Variants in BRAF observed in about 807,000 individuals in gnomAD.
The protein encoded by BRAF is serine/threonine-protein kinase B-raf.
In BRAF, 16 loss-of-function variants were observed where a neutral mutation model predicts 104.6. The observed-to-expected ratio is 0.15, with a 90% CI of 0.10 to 0.23. BRAF has a LOEUF of 0.23. Among genes scored for constraint, BRAF ranks in the 10% least tolerant of loss-of-function variants. The pLI, the probability that BRAF is intolerant of heterozygous loss-of-function variation, is 1.00. For missense variants in BRAF, 541 were observed against 937.3 expected (o/e 0.58, Z 5.52); for synonymous variants, 310 against 341.6 (o/e 0.91, Z 1.02).
At chr7:140,743,439 T>C (rs996176899) in intron 17 of BRAF, among the ~76,000 whole-genome samples, 18 of 152,092 alleles carry the variant, frequency 1.2e-4, no homozygotes, top group African/African-American at 4.3e-4. Context: ...TGGATGAAAC[T>C]GGAAATCATC....
intron 1 of BRAF, among the ~76,000 whole-genome samples, chr7:140,909,890 C>T (rs6964937): frequency 1.3e-5 from 2 of 151,522 alleles, no homozygotes; most frequent in African/African-American, 4.9e-5. Flanking sequence ...TCTATGCTCA[C>T]ATCATTATGA....
chr7:140,909,527 C>T (rs1198676715), intron 1 of BRAF, among the ~76,000 whole-genome samples: 3 of 152,212 alleles, frequency 2.0e-5, no homozygotes, highest in African/African-American at 7.2e-5. Context: ...GTACTTTGTA[C>T]ATATATACAA....
chr7:140,874,996 A>G (rs918600682), intron 1 of BRAF, among the ~76,000 whole-genome samples: 4 of 152,132 alleles, frequency 2.6e-5, no homozygotes, highest in African/African-American at 9.7e-5. Flanking sequence ...TTTCACCATG[A>G]TTTTAAGTTT....
downstream of BRAF, among the ~76,000 whole-genome samples, chr7:140,718,747 T>C (rs1795193007): frequency 6.6e-6 from 1 of 152,220 alleles, no homozygotes; most frequent in South Asian, 2.1e-4. Context: ...TTGATATATT[T>C]TGTCTGAAGA....
At chr7:140,916,381 C>T (rs891594948) in intron 1 of BRAF, among the ~76,000 whole-genome samples, 4 of 152,120 alleles carry the variant, frequency 2.6e-5, no homozygotes, top group African/African-American at 9.7e-5. Flanking sequence ...TTAATGATGC[C>T]CCTAAGATTC....
At chr7:140,730,107 G>A (rs995892802) in intron 19 of BRAF, among the ~76,000 whole-genome samples, 1 of 151,986 alleles carries the variant, frequency 6.6e-6, no homozygotes, top group Non-Finnish European at 1.5e-5. Flanking sequence ...GGAGTAACAG[G>A]TGATGAATCT....
chr7:140,880,305 A>G (rs546500420), intron 1 of BRAF, among the ~76,000 whole-genome samples: 4 of 152,354 alleles, frequency 2.6e-5, no homozygotes, highest in South Asian at 2.1e-4. Flanking sequence ...TTGCTCATCT[A>G]TAAGAAGCAA....
chr7:140,882,550 G>T (rs1813054114), intron 1 of BRAF, among the ~76,000 whole-genome samples: 1 of 151,716 alleles, frequency 6.6e-6, no homozygotes, highest in African/African-American at 2.4e-5. Context: ...GCTAATTTTT[G>T]TATTTTTAGT....
chr7:140,874,455 C>T (rs1416105382), intron 1 of BRAF, among the ~76,000 whole-genome samples: 1 of 150,592 alleles, frequency 6.6e-6, no homozygotes, highest in Non-Finnish European at 1.5e-5. Flanking sequence ...CCGCCTTGGC[C>T]TCCCAAAGTG....
intron 8 of BRAF, among the ~76,000 whole-genome samples, chr7:140,792,592 T>C (rs763111730): frequency 1.3e-4 from 20 of 152,212 alleles, no homozygotes; most frequent in Non-Finnish European, 2.5e-4. Flanking sequence ...GGCTTAAAGG[T>C]TGTCCCTTCT....
chr7:140,918,864 G>T (rs1189631992), intron 1 of BRAF, among the ~76,000 whole-genome samples: 1 of 151,476 alleles, frequency 6.6e-6, no homozygotes, highest in Non-Finnish European at 1.5e-5. Context: ...TTCTGGCCAG[G>T]TGTGGTGGCT....
chr7:140,745,542 C>A (rs1585983834), intron 17 of BRAF, among the ~76,000 whole-genome samples: 1 of 152,142 alleles, frequency 6.6e-6, no homozygotes, highest in South Asian at 2.1e-4. Context: ...CACAACGAAA[C>A]CAATACCCCA....
chr7:140,810,276 A>G (rs994754741), intron 3 of BRAF, among the ~76,000 whole-genome samples: 1 of 152,178 alleles, frequency 6.6e-6, no homozygotes, highest in Non-Finnish European at 1.5e-5. Context: ...TATAACCATT[A>G]AAACTATCCA....
At chr7:140,872,391 G>C (rs974410666) in intron 1 of BRAF, among the ~76,000 whole-genome samples, 4 of 151,838 alleles carry the variant, frequency 2.6e-5, no homozygotes, top group African/African-American at 9.7e-5. Flanking sequence ...CTTAAATTAT[G>C]AGAGTAAAGT....
chr7:140,779,479 A>G (rs1482482927), intron 12 of BRAF, among the ~76,000 whole-genome samples: 1 of 152,154 alleles, frequency 6.6e-6, no homozygotes, highest in African/African-American at 2.4e-5. Context: ...TCAAATTTCA[A>G]ATTTTTTCTG....
At chr7:140,785,366 C>T (rs1418424430) in intron 10 of BRAF, among the ~76,000 whole-genome samples, 1 of 152,150 alleles carries the variant, frequency 6.6e-6, no homozygotes, top group East Asian at 1.9e-4. Flanking sequence ...AGCTCTTCCC[C>T]ACCCACCTTA....
chr7:140,801,267 A>T, intron 6 of BRAF, 145 bp downstream of exon 6: 1 of 808,402 alleles, frequency 1.2e-6, no homozygotes, highest in Non-Finnish European at 2.0e-6. Context: ...TCCACATATT[A>T]TTCTCTAACT....
At chr7:140,750,010 G>A (rs1301865581) in intron 16 of BRAF, among the ~76,000 whole-genome samples, 1 of 152,196 alleles carries the variant, frequency 6.6e-6, no homozygotes, top group African/African-American at 2.4e-5. Flanking sequence ...GGTAGATTTA[G>A]TAAAAGATGG....
Position 140,749,154 on chromosome 7 carries a change from G to A in BRAF, c.2112+133C>T, listed in dbSNP as rs1043989400. On this transcript the variant is annotated intron_variant, in intron 17 of 19. Coordinates refer to ENST00000644969, the MANE Select transcript of BRAF (RefSeq NM_001374258.1). Reference sequence around the variant, plus strand: ...CTATTACTGCCAAAAGTATACAAACGATTTCTAAAACTGGTAACAAAAAAT... The same window carrying A: ...CTATTACTGCCAAAAGTATACAAACAATTTCTAAAACTGGTAACAAAAAAT... The A allele has an allele frequency of 7.9e-6, 10 of 1,258,210 alleles. No individual in the cohort carries two copies. In the African/African-American group the frequency reaches 1.1e-4, roughly 13 times the overall value. 77.9% of individuals were successfully genotyped at this position (1,258,210 alleles called of 1,614,324 possible). A position where few individuals can be genotyped will look rare whatever the true frequency, so the allele number is the denominator to read the frequency against.
Sources: gnomAD v4.1 joint callset for allele counts (sites outside exome capture counted in the v4.1 genomes callset) on GRCh38, gnomAD v4.1.1 for gene constraint, MANE v1.5 for transcripts, NCBI Gene and HGNC (gene_info 2026-07-23, HGNC 2026-07-21) for gene names.